The following B3GALNT2 variants were observed in gnomAD, a reference collection of about 807,000 sequenced individuals.
B3GALNT2 encodes beta-1,3-N-acetylgalactosaminyltransferase 2.
B3GALNT2 carries 53 observed loss-of-function variants against 61.1 expected under a neutral mutation model. The ratio of observed to expected loss-of-function variants is 0.87; its 90% confidence interval spans 0.70 to 1.09. The LOEUF (loss-of-function observed/expected upper bound fraction) is 1.09. Among genes scored for constraint, B3GALNT2 ranks in the 50% least tolerant of loss-of-function variants. The pLI is 0.00. For missense variants in B3GALNT2, 544 were observed against 623.0 expected, an observed-to-expected ratio of 0.87 and a Z score of 1.35; for synonymous variants, 223 against 237.4, an observed-to-expected ratio of 0.94 and a Z score of 0.56.
intron 1 of B3GALNT2, among the ~76,000 whole-genome samples, chr1:235,503,261 A>C (rs760147683): frequency 6.6e-6 from 1 of 152,248 alleles, no homozygotes; most frequent in African/African-American, 2.4e-5. Context: ...TATTTAAAAG[A>C]GCTTTCTAGG....
chr1:235,463,670 G>C (rs1036801898), intron 7 of B3GALNT2: 1 of 149,756 alleles, frequency 6.7e-6, no homozygotes, highest in East Asian at 2.0e-4. Flanking sequence ...AGGTTCAAGC[G>C]ATTCTTCTGC....
chr1:235,474,900 A>G lies in B3GALNT2; in HGVS notation c.652-3940T>C, dbSNP rs185082871. Among the ~76,000 whole-genome samples the G allele has an allele frequency of 5.6e-3, 810 of 144,746 alleles. 10 individuals carry two copies. The highest frequency in any genetic ancestry group is 0.02 in the African/African-American group (772 of 39,444). 95.0% of individuals were successfully genotyped at this position (144,746 alleles called of 152,430 possible). ...CAAAAATAGTCTGCTTTTTACTGAA[A>G]TTAGTTACAGGTTCCAACTGTACCA... On this transcript the variant is annotated intron_variant, in intron 5 of 11. Transcript: ENST00000366600.
At chr1:235,453,289 T>C in intron 10 of B3GALNT2, 143 bp from the exon 11 acceptor site, 1 of 794,676 alleles carries the variant, frequency 1.3e-6, no homozygotes, top group Non-Finnish European at 2.0e-6. Context: ...CAAAAATGGG[T>C]TCACATGAAG....
At chr1:235,456,499 C>T (rs750384014) in intron 8 of B3GALNT2, among the ~76,000 whole-genome samples, 15 of 152,128 alleles carry the variant, frequency 9.9e-5, no homozygotes, top group Admixed American at 2.6e-4. Flanking sequence ...AAGTTTATTT[C>T]CAATTAACAG....
chr1:235,452,968 A>G, intron 11 of B3GALNT2, 122 bp downstream of exon 11: 1 of 898,194 alleles, frequency 1.1e-6, no homozygotes, highest in Non-Finnish European at 1.7e-6. Flanking sequence ...CTAAAATCCA[A>G]AAAAATCTGA....
At chr1:235,468,391 C>A (rs1300424975) in intron 6 of B3GALNT2, among the ~76,000 whole-genome samples, 1 of 150,882 alleles carries the variant, frequency 6.6e-6, no homozygotes, top group Non-Finnish European at 1.5e-5. Flanking sequence ...ATTTTTACTC[C>A]CAAAGGCAGA....
rs201345883 is a variant in B3GALNT2, at chr1:235,480,130, C to T, written c.575G>A (p.Arg192His). The T allele has an allele frequency of 6.0e-4, 965 of 1,613,508 alleles. 3 individuals are homozygous for T. Among genetic ancestry groups the T allele is most frequent in the Non-Finnish European group, 6.8e-4 (802 of 1,179,740 alleles). Residue 192 changes from arginine to histidine, a missense_variant, in exon 5 of 12, where the codon CGC becomes CAC. Arg to His is a conservative substitution (Grantham distance 29). Coordinates refer to ENST00000366600, the MANE Select transcript of B3GALNT2 (RefSeq NM_152490.5). ...CACACCACAGCTTGGAGGACTGAAG[C>T]GAGCAATGAAGAGGGCCTCCTACAA... Reference protein sequence around the residue: ...AEQEEALFIARFSPPSCGVQV... With the variant: ...AEQEEALFIAHFSPPSCGVQV...
chr1:235,493,669 T>G (rs986969483), intron 2 of B3GALNT2, among the ~76,000 whole-genome samples: 1 of 152,058 alleles, frequency 6.6e-6, no homozygotes, highest in African/African-American at 2.4e-5. Context: ...TCCCAGCTAC[T>G]TGGGAGGCTG....
At chr1:235,442,004 GA>G in the B3GALNT2 span, 1,231 of 804,602 alleles carry the variant, frequency 1.5e-3, 2 homozygotes, top group Middle Eastern at 5.2e-3. Context: ...AGTTTTAAAT[GA>G]AAATTTTTTT....
At chr1:235,488,670 C>A (rs1423979702) in intron 3 of B3GALNT2, among the ~76,000 whole-genome samples, 1 of 104,114 alleles carries the variant, frequency 9.6e-6, no homozygotes, top group African/African-American at 3.7e-5. Context: ...CCAGCCTGGA[C>A]AACAGAGCAA....
At chr1:235,500,660 A>G (rs1213839467) in intron 1 of B3GALNT2, among the ~76,000 whole-genome samples, 1 of 152,228 alleles carries the variant, frequency 6.6e-6, no homozygotes, top group African/African-American at 2.4e-5. Flanking sequence ...AGATCTAATG[A>G]TAAAGACAAT....
chr1:235,484,782 T>C, intron 3 of B3GALNT2: 1 of 438,862 alleles, frequency 2.3e-6, no homozygotes, highest in Non-Finnish European at 3.8e-6. Context: ...TGTGTGCATA[T>C]ATATGTATAA....
At chr1:235,456,481 T>A (rs781243794) in intron 8 of B3GALNT2, among the ~76,000 whole-genome samples, 11 of 152,224 alleles carry the variant, frequency 7.2e-5, no homozygotes, top group Non-Finnish European at 1.3e-4. Flanking sequence ...CATCACCCCA[T>A]GTTTCTAAAG....
chr1:235,448,639 A>C lies in B3GALNT2; in HGVS notation c.*1567T>G. 1 of 1,580,036 alleles carries C rather than the reference A, an allele frequency of 6.3e-7. No homozygotes were observed. Among genetic ancestry groups the C allele is most frequent in the East Asian group, 2.2e-5 (1 of 44,744 alleles). On this transcript the variant is annotated 3_prime_UTR_variant, in exon 12 of 12. Transcript: ENST00000366600. ...ATGCTTTATCGGATCTGTCTTAATC[A>C]CATCCTTCCCCACCTTCGTTCTAAT...
rs1343215512 is a variant in B3GALNT2, at chr1:235,484,318, A to C, written c.555+4T>G. On this transcript the variant is annotated splice_donor_region_variant and intron_variant, in intron 4 of 11. Transcript: ENST00000366600. ...AGAAAAAACCTGTACAGAGCAGTGCATACCTCTTGTTCTGCCTGATAAAGT... is the reference window on the plus strand; with the variant it reads ...AGAAAAAACCTGTACAGAGCAGTGCCTACCTCTTGTTCTGCCTGATAAAGT... The C allele has an allele frequency of 6.2e-7, 1 of 1,613,146 alleles. No homozygotes were observed. Among genetic ancestry groups the C allele is most frequent in the East Asian group, 2.2e-5 (1 of 44,874 alleles).
At chr1:235,488,965 G>A (rs144423779) in intron 3 of B3GALNT2, among the ~76,000 whole-genome samples, 2 of 152,112 alleles carry the variant, frequency 1.3e-5, no homozygotes, top group African/African-American at 2.4e-5. Context: ...TAGGAGGATC[G>A]CTTGAGCCCC....
At chr1:235,498,965 G>A (rs1349045855) in intron 1 of B3GALNT2, among the ~76,000 whole-genome samples, 1 of 149,924 alleles carries the variant, frequency 6.7e-6, no homozygotes, top group East Asian at 2.1e-4. Flanking sequence ...TTAGAATGGT[G>A]TAACTTTGTC....
At chr1:235,503,946 A>G (rs1685704055) in intron 1 of B3GALNT2, among the ~76,000 whole-genome samples, 195 bp downstream of exon 1, 1 of 152,174 alleles carries the variant, frequency 6.6e-6, no homozygotes, top group Admixed American at 6.5e-5. Flanking sequence ...AGGCGGGGAC[A>G]CGAAAAGAGA....
chr1:235,446,498 T>G (rs570282911), downstream of B3GALNT2, among the ~76,000 whole-genome samples: 14 of 151,860 alleles, frequency 9.2e-5, no homozygotes, highest in African/African-American at 3.4e-4. Context: ...CATCCTTATA[T>G]GAACACAGAA....
Sources: allele counts gnomAD v4.1 joint callset (sites outside exome capture counted in the v4.1 genomes callset), GRCh38; gene constraint gnomAD v4.1.1; transcripts MANE v1.5; gene names NCBI Gene and HGNC (gene_info 2026-07-23, HGNC 2026-07-21).